The following ALPK3 variants were observed in gnomAD, a reference collection of about 807,000 sequenced individuals.
The protein encoded by ALPK3 is alpha kinase 3.
ALPK3 carries 102 observed loss-of-function variants against 140.0 expected under a neutral mutation model. That is an observed-to-expected ratio of 0.73 (90% CI 0.62 to 0.86). ALPK3 has a LOEUF of 0.86. Among genes scored for constraint, ALPK3 ranks in the 40% least tolerant of loss-of-function variants. The probability of loss-of-function intolerance (pLI) is 0.00; values close to 1 mark genes in which losing one functional copy is unlikely to be tolerated. For missense variants in ALPK3, 2,254 were observed against 2,208.2 expected, an observed-to-expected ratio of 1.02 and a Z score of -0.42; for synonymous variants, 938 against 898.5, an observed-to-expected ratio of 1.04 and a Z score of -0.79.
chr15:84,837,895 TA>T (rs1459927694), intron 3 of ALPK3, among the ~76,000 whole-genome samples: 1 of 152,250 alleles, frequency 6.6e-6, no homozygotes, highest in Non-Finnish European at 1.5e-5. Context: ...ATTTTTCAGA[TA>T]CAATGGTAGA....
Position 84,856,678 on chromosome 15 carries a change from A to T in ALPK3, c.1940A>T (p.Glu647Val). ...ACGCAGGTGGATGCTGGGACACAAG[A>T]AAGCAAGAGGCCACAGTCAGACAGG... is the stretch of plus-strand genomic sequence containing the variant. Reference protein sequence around the residue: ...RKTQVDAGTQESKRPQSDRSA... With the variant: ...RKTQVDAGTQVSKRPQSDRSA... The change falls in exon 6 of 14, where the codon GAA becomes GTA. Residue 647 changes from glutamate (E) to valine (V), a missense_variant. Physicochemically the swap from Glu to Val is moderately radical, Grantham distance 121. Around this residue, in one of 3 missense-constraint regions of ALPK3, gnomAD observed 2,088 missense variants for 2,022.9 expected, o/e 1.03. Coordinates refer to ENST00000258888, the MANE Select transcript of ALPK3 (RefSeq NM_020778.5). 6 of 1,614,082 alleles carry T rather than the reference A, an allele frequency of 3.7e-6. No individual in the cohort carries two copies. The highest frequency in any genetic ancestry group is 5.1e-6 in the Non-Finnish European group (6 of 1,180,024).
chr15:84,837,750 A>G (rs137952984), intron 3 of ALPK3, among the ~76,000 whole-genome samples: 263 of 152,344 alleles, frequency 1.7e-3, no homozygotes, highest in African/African-American at 6.1e-3. Context: ...AGTACTTGGA[A>G]GCATCTTGCA....
In ALPK3 at chr15:84,817,446, C is replaced by A; in HGVS notation, c.-7C>A. The A allele has an allele frequency of 7.8e-7, 1 of 1,277,378 alleles. No individual in the cohort carries two copies. Among genetic ancestry groups the A allele is most frequent in the East Asian group, 3.3e-5 (1 of 30,098 alleles). The allele number at this position is 1,277,378 out of a possible 1,614,324, so 79.1% of individuals were successfully genotyped here. A position where few individuals can be genotyped will look rare whatever the true frequency, so the allele number is the denominator to read the frequency against. ...GTGCGGGGCCGGCGGTCGGGGAGGG[C>A]GGTGCCATGGGGTCGCGGAGGGCCC... On this transcript the variant is annotated 5_prime_UTR_variant, in exon 1 of 14. Transcript: ENST00000258888.
Position 84,857,667 on chromosome 15 carries a change from G to A in ALPK3, c.2929G>A (p.Gly977Arg), listed in dbSNP as rs1567093841. ...LLKLSSTETS[G>R]AGGESQVGAA... ...GAAGCTGTCCAGCACAGAGACAAGT[G>A]GAGCAGGGGGAGAGTCCCAGGTGGG... Residue 977 changes from glycine (G) to arginine (R), a missense_variant, in exon 6 of 14, where the codon GGA becomes AGA. Coordinates refer to ENST00000258888, the MANE Select transcript of ALPK3 (RefSeq NM_020778.5). 1.2e-6 allele frequency: 2 copies of A among 1,605,398 alleles called. No homozygotes were observed. Among genetic ancestry groups the A allele is most frequent in the Non-Finnish European group, 1.7e-6 (2 of 1,173,738 alleles).
At chr15:84,853,123 C>CA (rs1963824229) in intron 5 of ALPK3, among the ~76,000 whole-genome samples, 1 of 152,230 alleles carries the variant, frequency 6.6e-6, no homozygotes, top group African/African-American at 2.4e-5. Flanking sequence ...TGAACAGCAA[C>CA]AGTCTTGTAT....
At chr15:84,866,387 C>T (rs1040860507) in intron 12 of ALPK3, among the ~76,000 whole-genome samples, 1 of 152,178 alleles carries the variant, frequency 6.6e-6, no homozygotes, top group Non-Finnish European at 1.5e-5. Flanking sequence ...TATGAAGTGA[C>T]TTGTCGAGTA....
At chr15:84,843,445 G>C (rs1466208101) in intron 5 of ALPK3, among the ~76,000 whole-genome samples, 1 of 152,176 alleles carries the variant, frequency 6.6e-6, no homozygotes, top group African/African-American at 2.4e-5. Flanking sequence ...TGAGACTAAG[G>C]AGACAAAAAT....
Position 84,856,852 on chromosome 15 carries a change from A to G in ALPK3, c.2114A>G (p.Gln705Arg), listed in dbSNP as rs981717577. 4.3e-6 allele frequency: 7 copies of G among 1,613,960 alleles called. No homozygotes were observed. The highest frequency in any genetic ancestry group is 5.1e-6 in the Non-Finnish European group (6 of 1,180,026). ...DRRMQGEKGM[Q>R]GEKGTQSEGS... Reference sequence around the variant, plus strand: ...AGGATGCAGGGAGAGAAGGGGATGCAGGGAGAGAAGGGGACGCAGTCAGAG... The same window carrying G: ...AGGATGCAGGGAGAGAAGGGGATGCGGGGAGAGAAGGGGACGCAGTCAGAG... Residue 705 changes from glutamine (Q) to arginine (R), a missense_variant, in exon 6 of 14, where the codon CAG (glutamine) becomes CGG (arginine). Gln to Arg is a conservative substitution (Grantham distance 43, BLOSUM62 1). Coordinates refer to ENST00000258888, the MANE Select transcript of ALPK3 (RefSeq NM_020778.5).
chr15:84,839,986 C>A lies in ALPK3; in HGVS notation c.707C>A (p.Ser236Ter). The A allele has an allele frequency of 6.2e-7, 1 of 1,612,826 alleles. No individual in the cohort carries two copies. Among genetic ancestry groups the A allele is most frequent in the South Asian group, 1.1e-5 (1 of 91,004 alleles). Residue 236 changes from serine (S) to a stop codon, truncating the protein, a stop_gained, in exon 5 of 14, where the codon TCG (serine) becomes TAG (stop). Coordinates refer to ENST00000258888, the MANE Select transcript of ALPK3 (RefSeq NM_020778.5). LOFTEE classifies it high-confidence loss of function. ...RLSGAQAPGP[S>*]VPTREPEGGT... The stretch of plus-strand genomic sequence containing the variant: ...AGCGGGGCTCAAGCGCCGGGCCCCT[C>A]GGTCCCTACCAGGGAGCCTGAGGGT...
rs138597569 is a variant in ALPK3 at position 84,857,764 on chromosome 15, G to C, written c.3026G>C (p.Arg1009Pro). Residue 1009 changes from arginine to proline, a missense_variant, in exon 6 of 14, where the codon CGG becomes CCG. Physicochemically the swap from Arg to Pro is moderately radical, Grantham distance 103. Coordinates refer to ENST00000258888, the MANE Select transcript of ALPK3 (RefSeq NM_020778.5). ...PTVEVAGLSPRTSRRILERVE... is the reference protein window; with the variant it reads ...PTVEVAGLSPPTSRRILERVE... ...GTGGAAGTGGCTGGGCTTAGTCCCC[G>C]GACATCGAGGCGCATCCTGGAGCGT... 8 of 1,612,896 alleles carry C rather than the reference G, an allele frequency of 5.0e-6. No individual in the cohort carries two copies. In the African/African-American group the frequency reaches 5.3e-5, roughly 11 times the overall value.
intron 5 of ALPK3, among the ~76,000 whole-genome samples, chr15:84,855,629 G>A (rs145680018): frequency 3.3e-5 from 5 of 152,274 alleles, no homozygotes; most frequent in African/African-American, 9.6e-5. Flanking sequence ...ACCCGGCTGC[G>A]AATCTGAACT....
chr15:84,857,416 G>C lies in ALPK3; in HGVS notation c.2678G>C (p.Ser893Thr), dbSNP rs757510260. 9 of 1,613,946 alleles carry C rather than the reference G, an allele frequency of 5.6e-6. No individual in the cohort carries two copies. Among genetic ancestry groups the C allele is most frequent in the Non-Finnish European group, 7.6e-6 (9 of 1,180,022 alleles). ...PCSTPTSQHG[S>T]TATFLPSEDQ... ...AGCACCCCGACTTCTCAGCACGGGA[G>C]CACAGCCACCTTCCTGCCCTCTGAG... is the stretch of plus-strand genomic sequence containing the variant. Residue 893 changes from serine to threonine, a missense_variant, in exon 6 of 14, where the codon AGC becomes ACC. By Grantham distance (58) the Ser-to-Thr change is moderately conservative. This residue lies in a region of ALPK3 where 2,088 missense variants were observed against 2,022.9 expected (regional missense o/e 1.03). Transcript: ENST00000258888.
chr15:84,861,302 T>C (rs1963943060), intron 9 of ALPK3, among the ~76,000 whole-genome samples: 1 of 152,240 alleles, frequency 6.6e-6, no homozygotes, highest in African/African-American at 2.4e-5. Context: ...CCATTTAACA[T>C]GTTAAATGCT....
At chr15:84,829,395 A>T (rs753828129) in intron 3 of ALPK3, among the ~76,000 whole-genome samples, 23 of 152,238 alleles carry the variant, frequency 1.5e-4, no homozygotes, top group Non-Finnish European at 2.8e-4. Flanking sequence ...AAGGAGATAG[A>T]ACAATTTATT....
chr15:84,862,613 C>G, intron 9 of ALPK3, 22 bp from the exon 10 acceptor site: 1 of 1,583,344 alleles, frequency 6.3e-7, no homozygotes, highest in South Asian at 1.1e-5. Flanking sequence ...TGGTCTCCCA[C>G]ATTTCTCCTG....
At chr15:84,839,325 G>A (rs1477898558) in intron 4 of ALPK3, among the ~76,000 whole-genome samples, 3 of 152,206 alleles carry the variant, frequency 2.0e-5, no homozygotes, top group Non-Finnish European at 2.9e-5. Flanking sequence ...CAAAGAGCTG[G>A]TGCAGCCAGC....
intron 3 of ALPK3, among the ~76,000 whole-genome samples, chr15:84,830,902 A>C (rs1416463596): frequency 5.9e-5 from 9 of 152,014 alleles, no homozygotes; most frequent in East Asian, 1.9e-4. Flanking sequence ...TGTGATAGAG[A>C]CTAAGTCCTA....
At chr15:84,817,690 G>T (rs1441048889) in intron 1 of ALPK3, 95 bp downstream of exon 1, 1 of 1,329,502 alleles carries the variant, frequency 7.5e-7, no homozygotes, top group African/African-American at 1.5e-5. Context: ...CCTGGGCTGG[G>T]CCTGCGCCCT....
intron 5 of ALPK3, among the ~76,000 whole-genome samples, chr15:84,848,071 A>T (rs886312355): frequency 4.0e-5 from 6 of 151,864 alleles, no homozygotes; most frequent in Non-Finnish European, 7.4e-5. Flanking sequence ...CAAAAAAAAA[A>T]AAATAAAAAG....
Sources: allele counts gnomAD v4.1 joint callset (sites outside exome capture counted in the v4.1 genomes callset), GRCh38; gene constraint gnomAD v4.1.1; regional missense constraint gnomAD v4.1.1; transcripts MANE v1.5; gene names NCBI Gene and HGNC (gene_info 2026-07-23, HGNC 2026-07-21).